The following MTHFD1 variants were observed in gnomAD, a reference collection of about 807,000 sequenced individuals.
The protein encoded by MTHFD1 is methylenetetrahydrofolate dehydrogenase, cyclohydrolase and formyltetrahydrofolate synthetase 1, also known as C-1-tetrahydrofolate synthase, cytoplasmic.
In MTHFD1, 44 loss-of-function variants were observed where a neutral mutation model predicts 110.3. The observed-to-expected ratio is 0.40, with a 90% confidence interval of 0.31 to 0.51. The LOEUF (loss-of-function observed/expected upper bound fraction) is 0.51. Among genes scored for constraint, MTHFD1 ranks in the 20% least tolerant of loss-of-function variants. MTHFD1 has a pLI of 0.60. For missense variants in MTHFD1, 909 were observed against 1,173.1 expected (o/e 0.77, Z 3.29); for synonymous variants, 402 against 428.8 (o/e 0.94, Z 0.77).
At chr14:64,421,250 A>G (rs1457800055) in intron 8 of MTHFD1, among the ~76,000 whole-genome samples, 1 of 152,072 alleles carries the variant, frequency 6.6e-6, no homozygotes, top group Non-Finnish European at 1.5e-5. Context: ...TCTCCTGCCT[A>G]GATAGCTCCT....
At chr14:64,428,072 AT>A (rs2078131061) in intron 12 of MTHFD1, among the ~76,000 whole-genome samples, 1 of 135,052 alleles carries the variant, frequency 7.4e-6, no homozygotes, top group African/African-American at 2.8e-5. Context: ...TTACCTTCAG[AT>A]TTTTATTGCT....
chr14:64,446,793 C>G (rs564666218), intron 22 of MTHFD1, among the ~76,000 whole-genome samples: 38 of 152,276 alleles, frequency 2.5e-4, no homozygotes, highest in Admixed American at 2.0e-3. Flanking sequence ...CCACCCGCCT[C>G]GGCCTCCCAA....
intron 2 of MTHFD1, among the ~76,000 whole-genome samples, chr14:64,401,308 G>A (rs1000153749): frequency 2.0e-5 from 3 of 152,022 alleles, no homozygotes; most frequent in African/African-American, 4.8e-5. Flanking sequence ...TATTACAGGC[G>A]TGAGCCACTG....
Position 64,411,100 on chromosome 14 carries a change from G to A in MTHFD1, c.137G>A (p.Arg46Lys), listed in dbSNP as rs2077979891. 1.2e-6 allele frequency: 2 copies of A among 1,611,764 alleles called. No homozygotes were observed. The highest frequency in any genetic ancestry group is 1.7e-6 in the Non-Finnish European group (2 of 1,178,188). ...CATTTATTATTCTAGGTTGGCAACA[G>A]AGATGATTCCAATCTTTATATAAAT... Reference protein sequence around the residue: ...PRLAILQVGNRDDSNLYINVK... With the variant: ...PRLAILQVGNKDDSNLYINVK... The change falls in exon 3 of 28, where the codon AGA (arginine) becomes AAA (lysine). Residue 46 changes from arginine (R) to lysine (K), a missense_variant. Around this residue, in one of 3 missense-constraint regions of MTHFD1, gnomAD observed 424 missense variants for 510.4 expected, o/e 0.83. Transcript: ENST00000652337.
intron 2 of MTHFD1, among the ~76,000 whole-genome samples, chr14:64,401,239 T>C (rs551475658): frequency 3.3e-4 from 50 of 152,178 alleles, no homozygotes; most frequent in Non-Finnish European, 6.0e-4. Context: ...CATAGCTCAC[T>C]GTAGCGTTGA....
chr14:64,398,515 C>G (rs2077874227), intron 1 of MTHFD1, among the ~76,000 whole-genome samples: 1 of 151,790 alleles, frequency 6.6e-6, no homozygotes, highest in Admixed American at 6.6e-5. Context: ...TCACTGCACT[C>G]CAGCCTGGGT....
At chr14:64,389,486 T>G (rs2077787845) in intron 1 of MTHFD1, among the ~76,000 whole-genome samples, 1 of 152,112 alleles carries the variant, frequency 6.6e-6, no homozygotes, top group South Asian at 2.1e-4. Context: ...GGTGGGTGGA[T>G]CACCTGAGGT....
chr14:64,418,225 T>C (rs999587619), intron 7 of MTHFD1, among the ~76,000 whole-genome samples: 16 of 152,052 alleles, frequency 1.1e-4, no homozygotes, highest in African/African-American at 3.6e-4. Context: ...GGCAGGAGGA[T>C]TGTTTGAGCC....
At position 64,427,465 on chromosome 14, in the gene MTHFD1, G is replaced by T. The variant is rs1566565583; in HGVS notation, c.1256G>T (p.Gly419Val). 1 of 1,614,004 alleles carries T rather than the reference G, an allele frequency of 6.2e-7. No homozygotes were observed. The highest frequency in any genetic ancestry group is 8.5e-7 in the Non-Finnish European group (1 of 1,180,030). The part of the protein sequence containing the change: ...VRQPSQGPTF[G>V]IKGGAAGGGY... ...CAGCCTTCTCAGGGCCCCACCTTTGGAATAAAAGGTACTAGTGAGACTGGA... is the reference window on the plus strand; with the variant it reads ...CAGCCTTCTCAGGGCCCCACCTTTGTAATAAAAGGTACTAGTGAGACTGGA... The change falls in exon 12 of 28, where the codon GGA (glycine) becomes GTA (valine). Residue 419 changes from glycine (G) to valine (V), a missense_variant. By Grantham distance (109) the Gly-to-Val change is moderately radical. Around this residue, in one of 3 missense-constraint regions of MTHFD1, gnomAD observed 3 missense variants for 16.7 expected, o/e 0.18. Coordinates refer to ENST00000652337, the MANE Select transcript of MTHFD1 (RefSeq NM_005956.4).
chr14:64,396,791 A>T (rs1222766535), intron 1 of MTHFD1, among the ~76,000 whole-genome samples: 1 of 150,770 alleles, frequency 6.6e-6, no homozygotes, highest in Non-Finnish European at 1.5e-5. Context: ...TAAATAAAAC[A>T]TTTGTGTTCT....
At chr14:64,405,551 A>G (rs955588796) in intron 2 of MTHFD1, among the ~76,000 whole-genome samples, 2 of 152,176 alleles carry the variant, frequency 1.3e-5, no homozygotes, top group East Asian at 3.9e-4. Context: ...TCCCTGAGCT[A>G]GAAGCCTGAG....
At chr14:64,428,113 T>G (rs962442453) in intron 12 of MTHFD1, among the ~76,000 whole-genome samples, 3 of 145,478 alleles carry the variant, frequency 2.1e-5, no homozygotes, top group Non-Finnish European at 3.0e-5. Context: ...TTTTTTTTTT[T>G]TTTTTTTTTT....
In MTHFD1 at chr14:64,441,204, A is replaced by T. The variant is rs114246981; in HGVS notation, c.1816-181A>T. The T allele has an allele frequency of 2.3e-3, 1,504 of 655,726 alleles. 10 individuals are homozygous for T. The African/African-American group carries it at 0.025, about 11-fold the overall frequency. 40.6% of individuals were successfully genotyped at this position (655,726 alleles called of 1,614,324 possible). ...CAGACTCCGTCTCAAAAAATAAATA[A>T]TTTAATAATTGGCAACTTCATAGCA... is the stretch of plus-strand genomic sequence containing the variant. On this transcript the variant is annotated intron_variant, in intron 18 of 27. Transcript: ENST00000652337.
At chr14:64,422,209 T>A (rs2078080065) in intron 8 of MTHFD1, among the ~76,000 whole-genome samples, 1 of 152,178 alleles carries the variant, frequency 6.6e-6, no homozygotes, top group Non-Finnish European at 1.5e-5. Context: ...CTGATACAGC[T>A]GGATGTTATT....
Position 64,449,641 on chromosome 14 carries a change from G to C in MTHFD1, c.2457+19G>C, listed in dbSNP as rs760761836. 12 of 1,613,142 alleles carry C rather than the reference G, an allele frequency of 7.4e-6. No individual in the cohort carries two copies. The highest frequency in any genetic ancestry group is 9.3e-6 in the Non-Finnish European group (11 of 1,179,792). On this transcript the variant is annotated intron_variant, in intron 24 of 27. Transcript: ENST00000652337. Reference sequence around the variant, plus strand: ...CCTCAAGGTGGGTGATTTGCTGTCTGCAAAAAAAGAAAAAAGACGAAAAGG... The same window carrying C: ...CCTCAAGGTGGGTGATTTGCTGTCTCCAAAAAAAGAAAAAAGACGAAAAGG...
rs368552917 is a variant in MTHFD1 at position 64,431,627 on chromosome 14, C to G, written c.1407C>G (p.Thr469=). 4 of 1,614,022 alleles carry G rather than the reference C, an allele frequency of 2.5e-6. No homozygotes were observed. In the African/African-American group the frequency reaches 5.3e-5, roughly 22 times the overall value. The part of the protein sequence containing the change: ...AIDARIFHEL[T]QTDKALFNRL... ...ATGCTCGGATATTTCATGAACTGAC[C>G]CAGACAGACAAGGTAGGATGCCAAA... Residue 469 remains threonine, a synonymous_variant, in exon 14 of 28, where the codon ACC becomes ACG. Transcript: ENST00000652337.
intron 13 of MTHFD1, among the ~76,000 whole-genome samples, chr14:64,430,448 A>G (rs980176479): frequency 3.9e-5 from 6 of 152,126 alleles, no homozygotes; most frequent in Non-Finnish European, 8.8e-5. Context: ...ACAGGCATGC[A>G]CCACCACGCT....
intron 2 of MTHFD1, among the ~76,000 whole-genome samples, chr14:64,410,416 G>C (rs1003003418): frequency 2.1e-4 from 32 of 151,442 alleles, no homozygotes; most frequent in African/African-American, 6.1e-4. Context: ...ATGGGGGGGG[G>C]GGTCTCACTA....
At chr14:64,447,655 C>T (rs547909066) in intron 22 of MTHFD1, among the ~76,000 whole-genome samples, 3 of 152,050 alleles carry the variant, frequency 2.0e-5, no homozygotes, top group Admixed American at 6.6e-5. Context: ...TTCTTGCCCT[C>T]GTTCACGGTC....
Sources: gnomAD v4.1 joint callset for allele counts (sites outside exome capture counted in the v4.1 genomes callset) on GRCh38, gnomAD v4.1.1 for gene constraint, gnomAD v4.1.1 regional missense constraint, MANE v1.5 for transcripts, NCBI Gene and HGNC (gene_info 2026-07-23, HGNC 2026-07-21) for gene names.